The following OR9Q1 variants were observed in gnomAD, a reference collection of about 807,000 sequenced individuals.
The protein encoded by OR9Q1 is olfactory receptor 9Q1.
For synonymous variants in OR9Q1, 153 were observed against 148.6 expected, an observed-to-expected ratio of 1.03 and a Z score of -0.22; for missense variants, 374 against 378.8, an observed-to-expected ratio of 0.99 and a Z score of 0.11.
At chr11:58,168,920 C>T (rs901010736) in intron 2 of OR9Q1, among the ~76,000 whole-genome samples, 9 of 152,024 alleles carry the variant, frequency 5.9e-5, no homozygotes, top group African/African-American at 2.2e-4. Flanking sequence ...TCAGGATGAG[C>T]CTCACATTAT....
At chr11:58,053,440 G>T (rs1853288168) in intron 1 of OR9Q1, among the ~76,000 whole-genome samples, 1 of 104,874 alleles carries the variant, frequency 9.5e-6, no homozygotes, top group Non-Finnish European at 1.8e-5. Context: ...ACACTCTGGG[G>T]CCTGTTGTGG....
chr11:58,114,767 G>A (rs1853934740), intron 2 of OR9Q1, among the ~76,000 whole-genome samples: 1 of 152,180 alleles, frequency 6.6e-6, no homozygotes, highest in East Asian at 1.9e-4. Flanking sequence ...TACAGATGAG[G>A]AAGCAGACCC....
chr11:58,110,264 T>C lies in OR9Q1; in HGVS notation c.-15+54317T>C, dbSNP rs1853886564. Among the ~76,000 whole-genome samples, 6 of 152,306 alleles carry C rather than the reference T, an allele frequency of 3.9e-5. No homozygotes were observed. In the South Asian group the frequency reaches 1.2e-3, roughly 32 times the overall value. On this transcript the variant is annotated intron_variant, in intron 2 of 2. Coordinates refer to ENST00000335397, the MANE Select transcript of OR9Q1 (RefSeq NM_001005212.4). ...TCTGTGTGTTGGGTAAAACCAACTC[T>C]CTTCTAAGACAGATAGTGGTAATGC... is the stretch of plus-strand genomic sequence containing the variant.
intron 2 of OR9Q1, among the ~76,000 whole-genome samples, chr11:58,154,379 A>ATTCT (rs1854385446): frequency 7.1e-6 from 1 of 140,954 alleles, no homozygotes; most frequent in Non-Finnish European, 1.6e-5. Flanking sequence ...AATGCAATGG[A>ATTCT]TTTTTTTTTT....
intron 2 of OR9Q1, among the ~76,000 whole-genome samples, chr11:58,148,814 G>A (rs1341724013): frequency 4.6e-5 from 7 of 152,302 alleles, no homozygotes; most frequent in Admixed American, 3.3e-4. Context: ...GGGGAAAGCC[G>A]ATAGAAGTTG....
intron 2 of OR9Q1, among the ~76,000 whole-genome samples, chr11:58,145,833 C>G (rs753341045): frequency 2.6e-5 from 4 of 152,006 alleles, no homozygotes; most frequent in Non-Finnish European, 5.9e-5. Flanking sequence ...AAAACAGTAA[C>G]TCATTGTTTA....
intron 2 of OR9Q1, among the ~76,000 whole-genome samples, chr11:58,143,020 T>G (rs745716088): frequency 1.3e-5 from 2 of 152,146 alleles, no homozygotes; most frequent in Non-Finnish European, 2.9e-5. Flanking sequence ...TCTTTATGGC[T>G]CACTGTCTGG....
intron 2 of OR9Q1, among the ~76,000 whole-genome samples, chr11:58,142,470 T>C (rs555734779): frequency 2.6e-5 from 4 of 152,130 alleles, no homozygotes; most frequent in African/African-American, 7.2e-5. Flanking sequence ...GCCTTAAGTA[T>C]AGAAAAACAA....
chr11:58,085,535 C>T (rs1037953854), intron 2 of OR9Q1, among the ~76,000 whole-genome samples: 14 of 151,650 alleles, frequency 9.2e-5, no homozygotes, highest in Admixed American at 3.9e-4. Context: ...ACTTTATGCC[C>T]GTTGAGCAAA....
chr11:58,066,372 T>C (rs1447257009), intron 2 of OR9Q1, among the ~76,000 whole-genome samples: 1 of 152,094 alleles, frequency 6.6e-6, no homozygotes. Flanking sequence ...ATAGGACATG[T>C]GGATTGTCCT....
At chr11:58,108,912 G>C in intron 2 of OR9Q1, 2 of 361,952 alleles carry the variant, frequency 5.5e-6, no homozygotes, top group South Asian at 4.2e-5. Flanking sequence ...TCCCAAAGAA[G>C]AGGACAACAG....
intron 2 of OR9Q1, among the ~76,000 whole-genome samples, chr11:58,172,887 G>A (rs962197014): frequency 5.9e-5 from 9 of 152,186 alleles, no homozygotes; most frequent in Admixed American, 2.6e-4. Context: ...TAGTCACCCT[G>A]TTGTGCTATC....
chr11:58,053,282 G>T (rs928005373), intron 1 of OR9Q1, among the ~76,000 whole-genome samples: 1 of 151,736 alleles, frequency 6.6e-6, no homozygotes, highest in Non-Finnish European at 1.5e-5. Flanking sequence ...AAAATGATGA[G>T]TTCATGTACT....
intron 2 of OR9Q1, among the ~76,000 whole-genome samples, chr11:58,177,959 A>G (rs1343672174): frequency 6.6e-6 from 1 of 152,142 alleles, no homozygotes; most frequent in East Asian, 1.9e-4. Flanking sequence ...GACTTGGAGG[A>G]TGCAAAAGAG....
At chr11:58,131,883 G>A (rs538688500) in intron 2 of OR9Q1, among the ~76,000 whole-genome samples, 1 of 151,806 alleles carries the variant, frequency 6.6e-6, no homozygotes, top group African/African-American at 2.4e-5. Flanking sequence ...TCACCCCAAG[G>A]GAACAGTATA....
intron 2 of OR9Q1, chr11:58,108,941 A>T: frequency 2.6e-6 from 1 of 379,252 alleles, no homozygotes; most frequent in South Asian, 1.9e-5. Flanking sequence ...TGGGAGGTGC[A>T]GGTGGAGAAG....
At chr11:58,168,053 TCTC>T (rs1854521859) in intron 2 of OR9Q1, among the ~76,000 whole-genome samples, 3 of 152,282 alleles carry the variant, frequency 2.0e-5, no homozygotes, top group South Asian at 4.1e-4. Context: ...TTGGCAAAAA[TCTC>T]CTTGAGAGTT....
chr11:58,148,567 G>A (rs2119888797), intron 2 of OR9Q1, among the ~76,000 whole-genome samples: 1 of 152,288 alleles, frequency 6.6e-6, no homozygotes, highest in African/African-American at 2.4e-5. Flanking sequence ...AAGCCCCAAT[G>A]CCACCATCCC....
At chr11:58,043,362 C>G (rs573746814) in intron 1 of OR9Q1, among the ~76,000 whole-genome samples, 1 of 152,294 alleles carries the variant, frequency 6.6e-6, no homozygotes, top group African/African-American at 2.4e-5. Flanking sequence ...GATTCTGAAC[C>G]TGGTCTTCCT....
Sources: gnomAD v4.1 joint callset for allele counts (sites outside exome capture counted in the v4.1 genomes callset) on GRCh38, gnomAD v4.1.1 for gene constraint, MANE v1.5 for transcripts, NCBI Gene and HGNC (gene_info 2026-07-23, HGNC 2026-07-21) for gene names.